JADE2: variants seen among roughly 807,000 people sequenced by gnomAD.
JADE2 encodes E3 ubiquitin-protein ligase Jade-2.
JADE2 carries 13 observed loss-of-function variants against 85.7 expected under a neutral mutation model. That is an observed-to-expected ratio of 0.15 (90% CI 0.10 to 0.24). The LOEUF is 0.24. Ranked by LOEUF, JADE2 falls within the 10% of genes least tolerant of loss-of-function variation. The pLI, the probability that JADE2 is intolerant of heterozygous loss-of-function variation, is 1.00. For missense variants in JADE2, 846 were observed against 1,115.9 expected (o/e 0.76, Z 3.45); for synonymous variants, 440 against 456.1 (o/e 0.96, Z 0.45).
intron 9 of JADE2, among the ~76,000 whole-genome samples, chr5:134,572,159 T>C (rs994639045): frequency 3.3e-5 from 5 of 152,292 alleles, no homozygotes; most frequent in Admixed American, 1.3e-4. Flanking sequence ...AGGAAGGTGG[T>C]TCATCCCAGT....
intron 9 of JADE2, among the ~76,000 whole-genome samples, chr5:134,573,252 C>G (rs1017928364): frequency 6.6e-6 from 1 of 152,210 alleles, no homozygotes; most frequent in South Asian, 2.1e-4. Flanking sequence ...CCTGATGAGT[C>G]TGCGGGCACT....
chr5:134,538,510 G>T (rs1372348029), intron 3 of JADE2, among the ~76,000 whole-genome samples: 2 of 152,158 alleles, frequency 1.3e-5, no homozygotes, highest in Non-Finnish European at 2.9e-5. Context: ...GGGATAAGGG[G>T]TGGAGTCCTC....
At chr5:134,557,036 CACCA>C (rs1252376786) in intron 4 of JADE2, among the ~76,000 whole-genome samples, 4 of 111,284 alleles carry the variant, frequency 3.6e-5, no homozygotes, top group Admixed American at 9.7e-5. Flanking sequence ...CATACACACA[CACCA>C]CACACACACC....
At chr5:134,527,097 G>C (rs1385685389) in intron 1 of JADE2, among the ~76,000 whole-genome samples, 1 of 152,144 alleles carries the variant, frequency 6.6e-6, no homozygotes, top group Non-Finnish European at 1.5e-5. Context: ...ACTCTCAAAT[G>C]AGTGACATTG....
At chr5:134,573,899 C>T in intron 10 of JADE2, 137 bp downstream of exon 10, 1 of 747,466 alleles carries the variant, frequency 1.3e-6, no homozygotes, top group Non-Finnish European at 2.5e-6. Context: ...CACTCCTACC[C>T]TTCACCATCC....
At chr5:134,568,074 C>A (rs1391886903) in intron 9 of JADE2, among the ~76,000 whole-genome samples, 1 of 152,216 alleles carries the variant, frequency 6.6e-6, no homozygotes, top group Non-Finnish European at 1.5e-5. Context: ...CCTACTGTTT[C>A]CCAAACAACC....
chr5:134,530,646 C>T (rs1041378588), intron 1 of JADE2, among the ~76,000 whole-genome samples: 3 of 152,220 alleles, frequency 2.0e-5, no homozygotes, highest in Non-Finnish European at 4.4e-5. Flanking sequence ...GTTTTAAGTC[C>T]AGACCTGAGG....
intron 4 of JADE2, among the ~76,000 whole-genome samples, chr5:134,559,092 G>A (rs749293622): frequency 1.3e-5 from 2 of 152,164 alleles, no homozygotes; most frequent in Non-Finnish European, 2.9e-5. Context: ...TCCTGGGGCC[G>A]GGTAACACTG....
At chr5:134,539,114 T>A (rs1761798067) in intron 3 of JADE2, among the ~76,000 whole-genome samples, 1 of 150,486 alleles carries the variant, frequency 6.6e-6, no homozygotes, top group East Asian at 2.0e-4. Context: ...CAGGCTGGAG[T>A]GCAGTGGCGT....
rs746450780 is a variant in JADE2 at position 134,566,072 on chromosome 5, C to G, written c.970-44C>G. 2 of 1,538,142 alleles carry G rather than the reference C, an allele frequency of 1.3e-6. No homozygotes were observed. Among genetic ancestry groups the G allele is most frequent in the Admixed American group, 1.7e-5 (1 of 57,710 alleles). On this transcript the variant is annotated intron_variant, in intron 8 of 11. Transcript: ENST00000681547. The surrounding 1 kb of genome is among the most constrained non-coding windows in gnomAD (Gnocchi z 6.7). ...AGCCCCTCTGTCTTCTCCCCTCCCA[C>G]CAGGCTCCCTCCATGTCTGATCCTG...
chr5:134,528,576 G>A (rs980657695), intron 1 of JADE2, among the ~76,000 whole-genome samples: 12 of 152,294 alleles, frequency 7.9e-5, no homozygotes, highest in African/African-American at 2.9e-4. Flanking sequence ...TCCGAAGTGG[G>A]CGAATAATTT....
intron 3 of JADE2, among the ~76,000 whole-genome samples, chr5:134,539,355 G>A (rs887040786): frequency 1.2e-4 from 18 of 152,126 alleles, no homozygotes; most frequent in Non-Finnish European, 1.8e-4. Flanking sequence ...GAGCCACCGC[G>A]CCCGGCCTAA....
chr5:134,573,804 C>T (rs774829448), intron 10 of JADE2, 42 bp downstream of exon 10: 1 of 1,229,014 alleles, frequency 8.1e-7, no homozygotes, highest in East Asian at 2.3e-5. Flanking sequence ...TCCCTGTGCC[C>T]TCTCTTGCGG....
intron 1 of JADE2, among the ~76,000 whole-genome samples, chr5:134,533,943 C>G (rs1043349730): frequency 1.3e-5 from 2 of 151,900 alleles, no homozygotes; most frequent in African/African-American, 2.4e-5. Flanking sequence ...GATGAGTCCC[C>G]CTACGTTCCC....
intron 10 of JADE2, chr5:134,574,346 T>C (rs1373771543): frequency 1.7e-5 from 3 of 175,362 alleles, no homozygotes; most frequent in Non-Finnish European, 3.6e-5. Context: ...AGCGCTGACA[T>C]TGATCGTATC....
At chr5:134,542,179 T>C (rs1048930364) in intron 3 of JADE2, among the ~76,000 whole-genome samples, 4 of 152,222 alleles carry the variant, frequency 2.6e-5, no homozygotes, top group African/African-American at 9.6e-5. Flanking sequence ...GCCTATGGCA[T>C]CCCAACAGAG....
chr5:134,553,369 T>TTA (rs63430961), intron 4 of JADE2, among the ~76,000 whole-genome samples: 1 of 151,408 alleles, frequency 6.6e-6, no homozygotes, highest in Non-Finnish European at 1.5e-5. Context: ...TTTCTTTTTT[T>TTA]TTTGAGACGG....
Position 134,567,403 on chromosome 5 carries a change from G to T in JADE2, c.1434+823G>T, listed in dbSNP as rs994015215. ...CAGGTGACGGTGGCTTGGTCCAGGGGGCTGAGTGAAATGAAGCAGGATTTC... is the reference window on the plus strand; with the variant it reads ...CAGGTGACGGTGGCTTGGTCCAGGGTGCTGAGTGAAATGAAGCAGGATTTC... On this transcript the variant is annotated intron_variant, in intron 9 of 11. Coordinates refer to ENST00000681547, the MANE Select transcript of JADE2 (RefSeq NM_001388185.1). Among the ~76,000 whole-genome samples, 4 of 152,164 alleles carry T rather than the reference G, an allele frequency of 2.6e-5. No homozygotes were observed. The South Asian group carries it at 6.2e-4, about 24-fold the overall frequency.
rs1365138259 is a variant in JADE2 at position 134,566,487 on chromosome 5, G to A, written c.1341G>A (p.Lys447=). Residue 447 remains lysine, a synonymous_variant, in exon 9 of 12, where the codon AAG becomes AAA. Coordinates refer to ENST00000681547, the MANE Select transcript of JADE2 (RefSeq NM_001388185.1). This position sits in a 1 kb window ranked among gnomAD's most constrained non-coding sequence, Gnocchi z 6.7. The part of the protein sequence containing the change: ...ANANQPLLTP[K]TDEVDNLAQQ... ...CCAACCAGCCGCTGCTGACCCCCAAGACCGACGAGGTGGACAACCTGGCCC... is the reference window on the plus strand; with the variant it reads ...CCAACCAGCCGCTGCTGACCCCCAAAACCGACGAGGTGGACAACCTGGCCC... 6.2e-7 allele frequency: 1 copy of A among 1,612,202 alleles called. No individual in the cohort carries two copies. Among genetic ancestry groups the A allele is most frequent in the Non-Finnish European group, 8.5e-7 (1 of 1,179,210 alleles).
Sources: allele counts gnomAD v4.1 joint callset (sites outside exome capture counted in the v4.1 genomes callset), GRCh38; gene constraint gnomAD v4.1.1; non-coding constraint Gnocchi (gnomAD v3.1); transcripts MANE v1.5; gene names NCBI Gene and HGNC (gene_info 2026-07-23, HGNC 2026-07-21).